Variants in HTR1E observed in about 807,000 individuals in gnomAD.
HTR1E encodes the protein 5-HT-1E.
In HTR1E, 3 loss-of-function variants were observed where a neutral mutation model predicts 3.4. The observed-to-expected ratio is 0.89, with a 90% CI of 0.41 to 2.31. The LOEUF is 2.31. Among genes scored for constraint, HTR1E ranks in the 30% most tolerant of loss-of-function variants. The pLI is 0.05. For missense variants in HTR1E, 392 were observed against 467.0 expected (o/e 0.84, Z 1.48); for synonymous variants, 170 against 182.8 (o/e 0.93, Z 0.56).
intron 1 of HTR1E, among the ~76,000 whole-genome samples, chr6:86,972,929 A>G (rs1310447354): frequency 1.3e-5 from 2 of 152,206 alleles, no homozygotes; most frequent in Non-Finnish European, 2.9e-5. Flanking sequence ...TAGTTCCCAG[A>G]GCAGGCAGAT....
chr6:86,954,524 A>G (rs1216196287), intron 1 of HTR1E, among the ~76,000 whole-genome samples: 4 of 152,076 alleles, frequency 2.6e-5, no homozygotes, highest in Admixed American at 2.6e-4. Flanking sequence ...CAATTCATCC[A>G]CTATTTCTGG....
intron 1 of HTR1E, among the ~76,000 whole-genome samples, chr6:86,978,141 A>G (rs1285517559): frequency 2.6e-5 from 4 of 152,180 alleles, no homozygotes; most frequent in Non-Finnish European, 5.9e-5. Context: ...TGAAAATATC[A>G]GTAGGGCACA....
chr6:87,015,738 C>T lies in HTR1E; in HGVS notation c.404C>T (p.Thr135Met), dbSNP rs143974435. Residue 135 changes from threonine to methionine, a missense_variant, in exon 2 of 2, where the codon ACG becomes ATG. Physicochemically the swap from Thr to Met is moderately conservative, Grantham distance 81. Around this residue, in one of 3 missense-constraint regions of HTR1E, gnomAD observed 189 missense variants for 258.0 expected, o/e 0.73. Coordinates refer to ENST00000305344, the MANE Select transcript of HTR1E (RefSeq NM_000865.3). Reference sequence around the variant, plus strand: ...GCTATTGAATACGCCAGGAAGAGGACGGCCAAGAGGGCCGCGCTGATGATC... The same window carrying T: ...GCTATTGAATACGCCAGGAAGAGGATGGCCAAGAGGGCCGCGCTGATGATC... ...TNAIEYARKRTAKRAALMILT... is the reference protein window; with the variant it reads ...TNAIEYARKRMAKRAALMILT... 4.5e-5 allele frequency: 72 copies of T among 1,609,826 alleles called. No individual in the cohort carries two copies. The highest frequency in any genetic ancestry group is 5.9e-5 in the Non-Finnish European group (69 of 1,177,438).
At chr6:86,982,412 T>C (rs1334554018) in intron 1 of HTR1E, among the ~76,000 whole-genome samples, 2 of 152,144 alleles carry the variant, frequency 1.3e-5, no homozygotes, top group Non-Finnish European at 2.9e-5. Context: ...GATTCTAAGA[T>C]GGAGAATTGT....
chr6:86,941,865 G>A (rs996908116), intron 1 of HTR1E, among the ~76,000 whole-genome samples: 3 of 151,642 alleles, frequency 2.0e-5, no homozygotes, highest in South Asian at 2.1e-4. Flanking sequence ...AAGGAAAGAA[G>A]AAAGGAAGGA....
intron 1 of HTR1E, among the ~76,000 whole-genome samples, chr6:86,940,951 A>G (rs1416796232): frequency 6.6e-6 from 1 of 152,224 alleles, no homozygotes; most frequent in Non-Finnish European, 1.5e-5. Context: ...TTTTTATTAC[A>G]TGTGAAATTA....
At chr6:87,011,928 G>A (rs1188782013) in intron 1 of HTR1E, among the ~76,000 whole-genome samples, 1 of 152,174 alleles carries the variant, frequency 6.6e-6, no homozygotes, top group Non-Finnish European at 1.5e-5. Flanking sequence ...CGCGCAAAAT[G>A]GAGGAACAGA....
intron 1 of HTR1E, among the ~76,000 whole-genome samples, chr6:86,953,431 C>A (rs1767274705): frequency 6.6e-6 from 1 of 152,152 alleles, no homozygotes; most frequent in Non-Finnish European, 1.5e-5. Context: ...AGGTCAGTTA[C>A]AAGCCAGATG....
intron 1 of HTR1E, among the ~76,000 whole-genome samples, chr6:86,971,494 C>G (rs1009014992): frequency 6.6e-6 from 1 of 151,378 alleles, no homozygotes; most frequent in Admixed American, 6.6e-5. Flanking sequence ...AATGAGAGAA[C>G]GTAAAATTGT....
At chr6:86,994,301 TAA>T (rs532589657) in intron 1 of HTR1E, among the ~76,000 whole-genome samples, 10 of 151,824 alleles carry the variant, frequency 6.6e-5, no homozygotes, top group African/African-American at 1.7e-4. Context: ...ACAAATATAA[TAA>T]GTCAAAAAAA....
intron 1 of HTR1E, among the ~76,000 whole-genome samples, chr6:86,943,474 T>A (rs766137383): frequency 1.3e-5 from 2 of 152,212 alleles, no homozygotes; most frequent in African/African-American, 2.4e-5. Flanking sequence ...ATGAGCTGCA[T>A]GGTCTGTCAT....
rs142892386 is a variant in HTR1E, at chr6:87,016,087, C to G, written c.753C>G (p.Asp251Glu). Residue 251 changes from aspartate to glutamate, a missense_variant, in exon 2 of 2, where the codon GAC becomes GAG. Physicochemically the swap from Asp to Glu is conservative, Grantham distance 45. Coordinates refer to ENST00000305344, the MANE Select transcript of HTR1E (RefSeq NM_000865.3). ...TFCVSDFSTSDPTTEFEKFHA... is the reference protein window; with the variant it reads ...TFCVSDFSTSEPTTEFEKFHA... The stretch of plus-strand genomic sequence containing the variant: ...GTGTGTCTGACTTCTCCACCTCAGA[C>G]CCTACCACAGAGTTTGAAAAGTTCC... 6.2e-7 allele frequency: 1 copy of G among 1,614,164 alleles called. No homozygotes were observed. The highest frequency in any genetic ancestry group is 1.3e-5 in the African/African-American group (1 of 75,044).
At chr6:87,001,179 A>T (rs1180497252) in intron 1 of HTR1E, among the ~76,000 whole-genome samples, 1 of 152,212 alleles carries the variant, frequency 6.6e-6, no homozygotes, top group Non-Finnish European at 1.5e-5. Flanking sequence ...AAGAAAACAC[A>T]TAAAATTAAA....
chr6:86,961,507 G>A (rs1212351247), intron 1 of HTR1E, among the ~76,000 whole-genome samples: 1 of 152,116 alleles, frequency 6.6e-6, no homozygotes, highest in East Asian at 1.9e-4. Flanking sequence ...TTCCCTTCCT[G>A]AGTATCCGGC....
intron 1 of HTR1E, among the ~76,000 whole-genome samples, chr6:86,950,709 T>A (rs2127817707): frequency 6.6e-6 from 1 of 152,334 alleles, no homozygotes. Context: ...TGTGTCCAAT[T>A]GGTTTCATAA....
In HTR1E at chr6:87,015,634, T is replaced by G. The variant is rs1582288734; in HGVS notation, c.300T>G (p.Ser100Arg). 6.2e-7 allele frequency: 1 copy of G among 1,614,102 alleles called. No individual in the cohort carries two copies. Among genetic ancestry groups the G allele is most frequent in the Non-Finnish European group, 8.5e-7 (1 of 1,179,996 alleles). ...LGYFLCEVWL[S>R]VDMTCCTCSI... ...ACTTCCTCTGTGAGGTGTGGCTGAG[T>G]GTGGACATGACCTGCTGCACCTGCT... Residue 100 changes from serine to arginine, a missense_variant, in exon 2 of 2, where the codon AGT (serine) becomes AGG (arginine). By Grantham distance (110) the Ser-to-Arg change is moderately radical (BLOSUM62 -1). Around this residue, in one of 3 missense-constraint regions of HTR1E, gnomAD observed 189 missense variants for 258.0 expected, o/e 0.73. Transcript: ENST00000305344.
intron 1 of HTR1E, among the ~76,000 whole-genome samples, chr6:87,003,911 G>C (rs1409777838): frequency 2.0e-5 from 3 of 152,080 alleles, no homozygotes; most frequent in African/African-American, 7.2e-5. Context: ...TAACATCAGA[G>C]ATGAAAAAGG....
intron 1 of HTR1E, among the ~76,000 whole-genome samples, chr6:86,999,063 G>A (rs537628153): frequency 3.3e-5 from 5 of 152,214 alleles, no homozygotes; most frequent in Non-Finnish European, 5.9e-5. Flanking sequence ...GGGTTCAAAC[G>A]ATTCTCATAC....
chr6:86,993,299 T>C (rs1767895230), intron 1 of HTR1E, among the ~76,000 whole-genome samples: 1 of 151,896 alleles, frequency 6.6e-6, no homozygotes, highest in Non-Finnish European at 1.5e-5. Context: ...TATAAATGTA[T>C]CTCATTGCAA....
Sources: allele counts gnomAD v4.1 joint callset (sites outside exome capture counted in the v4.1 genomes callset), GRCh38; gene constraint gnomAD v4.1.1; regional missense constraint gnomAD v4.1.1; transcripts MANE v1.5; gene names NCBI Gene and HGNC (gene_info 2026-07-23, HGNC 2026-07-21).